RNGTT: variants seen among roughly 807,000 people sequenced by gnomAD.
RNGTT encodes the protein RNA guanylyltransferase and 5'-phosphatase, also known as mRNA-capping enzyme.
In RNGTT, 33 loss-of-function variants were observed where a neutral mutation model predicts 79.3. The observed-to-expected ratio is 0.42, with a 90% CI of 0.32 to 0.56. The LOEUF is 0.56. Among genes scored for constraint, RNGTT ranks in the 20% least tolerant of loss-of-function variants. The pLI, the probability that RNGTT is intolerant of heterozygous loss-of-function variation, is 0.17. For synonymous variants in RNGTT, 222 were observed against 235.9 expected (o/e 0.94, Z 0.54); for missense variants, 497 against 739.1 (o/e 0.67, Z 3.80).
In RNGTT at chr6:88,771,350, TACACAC is replaced by T. The variant is rs71021396; in HGVS notation, c.1339-1482_1339-1477del. Among the ~76,000 whole-genome samples the T allele has an allele frequency of 2.9e-3, 334 of 116,180 alleles. 5 individuals are homozygous for T. Among genetic ancestry groups the T allele is most frequent in the African/African-American group, 0.012 (302 of 25,832 alleles). 76.2% of individuals were successfully genotyped at this position (116,180 alleles called of 152,430 possible). ...ATATATATATATATATATATATATA[TACACAC>T]ACACACACACACACAATTTCTTTTC... On this transcript the variant is annotated intron_variant, in intron 12 of 15. Coordinates refer to ENST00000369485, the MANE Select transcript of RNGTT (RefSeq NM_003800.5).
At chr6:88,692,717 C>T (rs1206394760) in intron 13 of RNGTT, among the ~76,000 whole-genome samples, 1 of 152,006 alleles carries the variant, frequency 6.6e-6, no homozygotes, top group African/African-American at 2.4e-5. Flanking sequence ...ATCCTGGGAA[C>T]AGTGATTTCA....
intron 13 of RNGTT, among the ~76,000 whole-genome samples, chr6:88,698,260 AAT>A (rs1229457522): frequency 1.0e-5 from 1 of 95,428 alleles, no homozygotes; most frequent in Non-Finnish European, 1.8e-5. Flanking sequence ...TATATATATA[AAT>A]ATATATGATA....
chr6:88,843,289 C>G (rs142766733), intron 11 of RNGTT, among the ~76,000 whole-genome samples: 1 of 152,034 alleles, frequency 6.6e-6, no homozygotes, highest in Non-Finnish European at 1.5e-5. Context: ...TCTACTTACC[C>G]TGAAGAAATA....
In RNGTT at chr6:88,774,302, G is replaced by GA. The variant is rs34763553; in HGVS notation, c.1339-4429dup. 6.0e-5 allele frequency among the ~76,000 whole-genome samples: 9 copies of GA among 150,318 alleles called. No individual in the cohort carries two copies. In the South Asian group the frequency reaches 1.0e-3, roughly 18 times the overall value. ...TACTAACTAGGGTGACTATAATTTA[G>GA]AAAAAAAAACACAGAAACTAACAAG... On this transcript the variant is annotated intron_variant, in intron 12 of 15. Coordinates refer to ENST00000369485, the MANE Select transcript of RNGTT (RefSeq NM_003800.5).
In RNGTT at chr6:88,615,241, T is replaced by C. The variant is rs111578317; in HGVS notation, c.1507-846A>G. Reference sequence around the variant, plus strand: ...TGGCTAACAACTTTTCCTCACAATATGGTAGACTGCAATCATTTAACTTCA... The same window carrying C: ...TGGCTAACAACTTTTCCTCACAATACGGTAGACTGCAATCATTTAACTTCA... On this transcript the variant is annotated intron_variant, in intron 14 of 15. Transcript: ENST00000369485. 4.2e-3 allele frequency among the ~76,000 whole-genome samples: 641 copies of C among 152,340 alleles called. 3 individuals are homozygous for C. Among genetic ancestry groups the C allele is most frequent in the African/African-American group, 0.015 (609 of 41,588 alleles).
chr6:88,927,647 A>G (rs1411197207), intron 4 of RNGTT, among the ~76,000 whole-genome samples: 23 of 140,314 alleles, frequency 1.6e-4, no homozygotes, highest in Non-Finnish European at 2.7e-4. Flanking sequence ...GGGGAACAAG[A>G]GCAAAACTCC....
At chr6:88,775,694 A>T (rs1247026475) in intron 12 of RNGTT, among the ~76,000 whole-genome samples, 1 of 152,214 alleles carries the variant, frequency 6.6e-6, no homozygotes, top group East Asian at 1.9e-4. Flanking sequence ...CCCATTTAAA[A>T]GAGCTTATTA....
chr6:88,791,140 CTTT>C lies in RNGTT; in HGVS notation c.1338+10421_1338+10423del, dbSNP rs66559856. Reference sequence around the variant, plus strand: ...GAACCCTAAATGCAATCACAAGTACCTTTTTTTTTTTTTTTTTTCAATTTTTTT... The same window carrying C: ...GAACCCTAAATGCAATCACAAGTACCTTTTTTTTTTTTTTTCAATTTTTTT... On this transcript the variant is annotated intron_variant, in intron 12 of 15. Transcript: ENST00000369485. Among the ~76,000 whole-genome samples, 544 of 120,792 alleles carry C rather than the reference CTTT, an allele frequency of 4.5e-3. 3 individuals carry two copies. The highest frequency in any genetic ancestry group is 0.013 in the African/African-American group (421 of 33,368). 79.2% of individuals were successfully genotyped at this position (120,792 alleles called of 152,430 possible). A position where few individuals can be genotyped will look rare whatever the true frequency, so the allele number is the denominator to read the frequency against.
chr6:88,904,898 A>C lies in RNGTT; in HGVS notation c.501T>G (p.Gly167=). 6.2e-7 allele frequency: 1 copy of C among 1,613,494 alleles called. No individual in the cohort carries two copies. The highest frequency in any genetic ancestry group is 8.5e-7 in the Non-Finnish European group (1 of 1,179,904). ...GACGAAAAAGTTCCTTCAAATAATCACCCTTGTAGATTCCTGGTGGTCTGG... is the reference window on the plus strand; with the variant it reads ...GACGAAAAAGTTCCTTCAAATAATCCCCCTTGTAGATTCCTGGTGGTCTGG... The part of the protein sequence containing the change: ...AQARPPGIYK[G]DYLKELFRRY... The change falls in exon 6 of 16, where the codon GGT becomes GGG. Residue 167 remains glycine (G), a synonymous_variant. Transcript: ENST00000369485.
intron 8 of RNGTT, among the ~76,000 whole-genome samples, chr6:88,868,633 T>C (rs1782253869): frequency 6.6e-6 from 1 of 152,208 alleles, no homozygotes; most frequent in African/African-American, 2.4e-5. Context: ...TACTTCATAT[T>C]GTTCATTAGA....
intron 13 of RNGTT, among the ~76,000 whole-genome samples, chr6:88,758,199 C>T (rs1202363220): frequency 6.6e-6 from 1 of 152,100 alleles, no homozygotes; most frequent in Admixed American, 6.5e-5. Context: ...AAGTGATTAA[C>T]GTTTGGCAAA....
At chr6:88,641,074 C>T (rs573366401) in intron 14 of RNGTT, among the ~76,000 whole-genome samples, 37 of 152,094 alleles carry the variant, frequency 2.4e-4, no homozygotes, top group Non-Finnish European at 4.7e-4. Flanking sequence ...GGTGCGGTGG[C>T]TCATGCCTGT....
chr6:88,631,439 G>A (rs1167712171), intron 14 of RNGTT, among the ~76,000 whole-genome samples: 1 of 152,186 alleles, frequency 6.6e-6, no homozygotes, highest in Non-Finnish European at 1.5e-5. Flanking sequence ...GTGGTGAAAA[G>A]GTACCTGGAA....
At chr6:88,790,093 A>G (rs1030789790) in intron 12 of RNGTT, among the ~76,000 whole-genome samples, 1 of 152,230 alleles carries the variant, frequency 6.6e-6, no homozygotes, top group Non-Finnish European at 1.5e-5. Flanking sequence ...ACAATAGCAG[A>G]AAAAAACCCA....
rs575904529 is a variant in RNGTT at position 88,610,066 on chromosome 6, A to T, written c.*2653T>A. On this transcript the variant is annotated 3_prime_UTR_variant, in exon 16 of 16. Coordinates refer to ENST00000369485, the MANE Select transcript of RNGTT (RefSeq NM_003800.5). ...TTCTCCCATTCCTCTCCACTTCAAAAATAAAAGGTTCAAACTACACCCCCC... is the reference window on the plus strand; with the variant it reads ...TTCTCCCATTCCTCTCCACTTCAAATATAAAAGGTTCAAACTACACCCCCC... Among the ~76,000 whole-genome samples the T allele has an allele frequency of 8.3e-4, 127 of 152,320 alleles. 4 individuals are homozygous for T. The South Asian group carries it at 0.026, about 31-fold the overall frequency.
At chr6:88,853,855 A>T (rs1781755323) in intron 8 of RNGTT, 91 bp from the exon 9 acceptor site, 3 of 706,140 alleles carry the variant, frequency 4.2e-6, no homozygotes. Flanking sequence ...CATAGACCTT[A>T]AACATCTGTA....
intron 13 of RNGTT, among the ~76,000 whole-genome samples, chr6:88,761,102 G>A (rs1349971599): frequency 1.3e-5 from 2 of 151,166 alleles, no homozygotes; most frequent in Non-Finnish European, 2.9e-5. Context: ...GGAAGTAAAG[G>A]AGACCATGCA....
intron 13 of RNGTT, among the ~76,000 whole-genome samples, chr6:88,762,906 G>A (rs115570349): frequency 1.1e-4 from 17 of 151,668 alleles, no homozygotes; most frequent in Admixed American, 7.2e-4. Flanking sequence ...CACTACAGTC[G>A]TCTAAATGAA....
chr6:88,830,979 A>AC (rs1780842632), intron 11 of RNGTT, among the ~76,000 whole-genome samples: 1 of 152,220 alleles, frequency 6.6e-6, no homozygotes, highest in Non-Finnish European at 1.5e-5. Flanking sequence ...CCAGGACCGG[A>AC]CAGATTCACA....
Sources: allele counts gnomAD v4.1 joint callset (sites outside exome capture counted in the v4.1 genomes callset), GRCh38; gene constraint gnomAD v4.1.1; transcripts MANE v1.5; gene names NCBI Gene and HGNC (gene_info 2026-07-23, HGNC 2026-07-21).